Variants in ABHD18 observed in about 807,000 individuals in gnomAD.
ABHD18 encodes cardiolipin-specific deacylase, mitochondrial.
Under a neutral mutation model 65.9 loss-of-function variants are expected in ABHD18, and 55 were observed. The observed-to-expected ratio is 0.84, with a 90% CI of 0.67 to 1.05. The LOEUF is 1.05. ABHD18 is among the 50% of genes least tolerant of loss of function. The pLI is 0.00. For synonymous variants in ABHD18, 181 were observed against 180.2 expected (o/e 1.00, Z -0.04); for missense variants, 533 against 558.5 (o/e 0.95, Z 0.46).
chr4:128,004,578 G>A (rs573306298), intron 4 of ABHD18, among the ~76,000 whole-genome samples: 9 of 152,242 alleles, frequency 5.9e-5, no homozygotes, highest in African/African-American at 2.2e-4. Flanking sequence ...TTAGTAATAA[G>A]GTTTATTCAG....
chr4:128,023,646 C>T (rs529326699), intron 10 of ABHD18, among the ~76,000 whole-genome samples: 7 of 151,406 alleles, frequency 4.6e-5, no homozygotes, highest in South Asian at 2.1e-4. Context: ...TTTGGGAGGC[C>T]GAGGAGGGCA....
intron 12 of ABHD18, among the ~76,000 whole-genome samples, chr4:128,033,178 C>G (rs1389137851): frequency 6.6e-6 from 1 of 152,004 alleles, no homozygotes. Flanking sequence ...GGTGTGAACC[C>G]AGAGGTCAGA....
In ABHD18 at chr4:127,974,251, G is replaced by C. The variant is rs150421138; in HGVS notation, c.-18+8645G>C. 2.8e-5 allele frequency among the ~76,000 whole-genome samples: 4 copies of C among 140,636 alleles called. No individual in the cohort carries two copies. In the East Asian group the frequency reaches 8.7e-4, roughly 31 times the overall value. The allele number at this position is 140,636 out of a possible 152,430, so 92.3% of individuals were successfully genotyped here. A position where few individuals can be genotyped will look rare whatever the true frequency, so the allele number is the denominator to read the frequency against. Reference sequence around the variant, plus strand: ...CTTACTCTGTCGCCCACGCTGGAGAGCAATAGCACTATCATAGCTCACTGC... The same window carrying C: ...CTTACTCTGTCGCCCACGCTGGAGACCAATAGCACTATCATAGCTCACTGC... On this transcript the variant is annotated intron_variant, in intron 1 of 12. Coordinates refer to ENST00000645843, the MANE Select transcript of ABHD18 (RefSeq NM_001358451.3).
chr4:128,031,689 G>A (rs920625448), intron 12 of ABHD18, among the ~76,000 whole-genome samples: 1 of 152,116 alleles, frequency 6.6e-6, no homozygotes, highest in African/African-American at 2.4e-5. Context: ...TGTTAACGGA[G>A]GAAATAATTT....
rs538641323 is a variant in ABHD18, at chr4:128,009,833, A to G, written c.442+642A>G. ...ATTCTGGGAAATTTATTCTAAGGAT[A>G]AAAACTAAGAAAAAATTAAATAACA... On this transcript the variant is annotated intron_variant, in intron 6 of 12. Coordinates refer to ENST00000645843, the MANE Select transcript of ABHD18 (RefSeq NM_001358451.3). Among the ~76,000 whole-genome samples the G allele has an allele frequency of 1.1e-4, 16 of 152,342 alleles. No individual in the cohort carries two copies. In the South Asian group the frequency reaches 3.3e-3, roughly 32 times the overall value.
chr4:127,979,855 G>T (rs903385221), intron 1 of ABHD18, among the ~76,000 whole-genome samples: 3 of 142,106 alleles, frequency 2.1e-5, no homozygotes, highest in African/African-American at 7.8e-5. Flanking sequence ...GGTAGAGGTT[G>T]CATTGAGCCA....
At chr4:128,026,523 C>T (rs914842077) in intron 10 of ABHD18, among the ~76,000 whole-genome samples, 5 of 150,750 alleles carry the variant, frequency 3.3e-5, no homozygotes, top group African/African-American at 1.2e-4. Context: ...ATATCCTTTG[C>T]TCATTTGGGG....
chr4:128,024,988 G>A (rs1311426732), intron 10 of ABHD18, among the ~76,000 whole-genome samples: 2 of 151,762 alleles, frequency 1.3e-5, no homozygotes, highest in African/African-American at 2.4e-5. Context: ...CACTGCGCCC[G>A]GCCAACCAAT....
In ABHD18 at chr4:127,966,785, T is replaced by G. The variant is rs888423072; in HGVS notation, c.-18+1179T>G. On this transcript the variant is annotated intron_variant, in intron 1 of 12. Coordinates refer to ENST00000645843, the MANE Select transcript of ABHD18 (RefSeq NM_001358451.3). ...CTATAGTCCCAGCTACTCGGGAGGCTGAGGCAGGAGAATCCCTTGAACCCG... is the reference window on the plus strand; with the variant it reads ...CTATAGTCCCAGCTACTCGGGAGGCGGAGGCAGGAGAATCCCTTGAACCCG... Among the ~76,000 whole-genome samples the G allele has an allele frequency of 7.3e-4, 97 of 132,922 alleles. 1 individual carries two copies. The highest frequency in any genetic ancestry group is 2.7e-3 in the African/African-American group (93 of 34,744). The allele number at this position is 132,922 out of a possible 152,430, so 87.2% of individuals were successfully genotyped here.
rs1223519809 is a variant in ABHD18 at position 128,036,171 on chromosome 4, T to G, written c.*358T>G. ...CTTTTCTGGGTTTTAGTAAAATTGC[T>G]AAATCAAACCAAGATTTTAATATAT... is the stretch of plus-strand genomic sequence containing the variant. On this transcript the variant is annotated 3_prime_UTR_variant, in exon 13 of 13. Transcript: ENST00000645843. 1 of 158,118 alleles carries G rather than the reference T, an allele frequency of 6.3e-6. No individual in the cohort carries two copies. Among genetic ancestry groups the G allele is most frequent in the African/African-American group, 2.4e-5 (1 of 41,696 alleles). The allele number at this position is 158,118 out of a possible 1,614,324, so 9.8% of individuals were successfully genotyped here.
At chr4:127,988,737 T>G (rs1750413101) in intron 3 of ABHD18, among the ~76,000 whole-genome samples, 1 of 152,188 alleles carries the variant, frequency 6.6e-6, no homozygotes, top group African/African-American at 2.4e-5. Context: ...TCATTTACCC[T>G]AGTTAAAATG....
At chr4:128,029,088 A>G (rs1418461933) in intron 11 of ABHD18, among the ~76,000 whole-genome samples, 1 of 152,052 alleles carries the variant, frequency 6.6e-6, no homozygotes, top group Non-Finnish European at 1.5e-5. Context: ...GTGGTTGCTC[A>G]TGCCTGTAAT....
intron 7 of ABHD18, among the ~76,000 whole-genome samples, 166 bp from the exon 8 acceptor site, chr4:128,017,197 C>T (rs533357975): frequency 6.6e-5 from 10 of 152,300 alleles, no homozygotes; most frequent in Admixed American, 4.6e-4. Context: ...GGATTACAGG[C>T]GTAAGCCATC....
intron 7 of ABHD18, among the ~76,000 whole-genome samples, chr4:128,013,050 G>A (rs183397233): frequency 2.1e-4 from 26 of 123,916 alleles, no homozygotes; most frequent in Admixed American, 9.5e-4. Flanking sequence ...AGACGACAGA[G>A]CAAGACTCCA....
chr4:127,971,511 G>A (rs1328631894), intron 1 of ABHD18, among the ~76,000 whole-genome samples: 3 of 29,834 alleles, frequency 1.0e-4, no homozygotes, highest in Non-Finnish European at 1.9e-4. Context: ...TTTTTTTTTT[G>A]AGACGATCTT....
chr4:127,984,043 GAAA>G (rs35602390), intron 2 of ABHD18, among the ~76,000 whole-genome samples: 1 of 137,842 alleles, frequency 7.3e-6, no homozygotes, highest in East Asian at 2.0e-4. Context: ...TCTCAAGGGG[GAAA>G]AAAAAAAAAA....
intron 4 of ABHD18, among the ~76,000 whole-genome samples, chr4:127,991,639 CT>C (rs879846413): frequency 3.3e-5 from 5 of 152,172 alleles, no homozygotes; most frequent in African/African-American, 9.6e-5. Context: ...AACTACTGTA[CT>C]TTTTTTCCCC....
intron 1 of ABHD18, among the ~76,000 whole-genome samples, chr4:127,979,095 A>G (rs1748501524): frequency 6.6e-6 from 1 of 152,172 alleles, no homozygotes; most frequent in South Asian, 2.1e-4. Flanking sequence ...AAAACAACAA[A>G]CCAAATATTT....
At chr4:128,034,668 T>G (rs1050854984) in intron 12 of ABHD18, among the ~76,000 whole-genome samples, 5 of 152,142 alleles carry the variant, frequency 3.3e-5, no homozygotes, top group African/African-American at 1.2e-4. Context: ...CTTTTTTTTT[T>G]GAAACAGAGT....
Sources: gnomAD v4.1 joint callset for allele counts (sites outside exome capture counted in the v4.1 genomes callset) on GRCh38, gnomAD v4.1.1 for gene constraint, MANE v1.5 for transcripts, NCBI Gene and HGNC (gene_info 2026-07-23, HGNC 2026-07-21) for gene names.